Variants in GULP1 observed in about 807,000 individuals in gnomAD.
The protein encoded by GULP1 is PTB domain-containing engulfment adapter protein 1.
GULP1 carries 19 observed loss-of-function variants against 40.9 expected under a neutral mutation model. The observed-to-expected ratio is 0.46, with a 90% CI of 0.32 to 0.68. GULP1 has a LOEUF of 0.68. Among genes scored for constraint, GULP1 ranks in the 30% least tolerant of loss-of-function variants. The probability of loss-of-function intolerance (pLI) is 0.03; values close to 1 mark genes in which losing one functional copy is unlikely to be tolerated. For missense variants in GULP1, 312 were observed against 362.2 expected, an observed-to-expected ratio of 0.86 and a Z score of 1.12; for synonymous variants, 119 against 117.6, an observed-to-expected ratio of 1.01 and a Z score of -0.08.
intron 4 of GULP1, among the ~76,000 whole-genome samples, chr2:188,518,469 T>C (rs1038552671): frequency 6.6e-6 from 1 of 152,048 alleles, no homozygotes; most frequent in African/African-American, 2.4e-5. Context: ...CTTAGCCAAG[T>C]CAGTCGTTGG....
intron 11 of GULP1, chr2:188,592,896 AT>A (rs1246601403): frequency 1.3e-5 from 2 of 152,240 alleles, no homozygotes; most frequent in East Asian, 3.9e-4. Flanking sequence ...TTTAGGAGAC[AT>A]TTTGTTTTCT....
intron 4 of GULP1, among the ~76,000 whole-genome samples, chr2:188,492,101 G>T (rs572401136): frequency 1.3e-5 from 2 of 151,932 alleles, no homozygotes; most frequent in Non-Finnish European, 2.9e-5. Context: ...AGATGTGATC[G>T]CAAAGCAGTA....
At chr2:188,581,799 T>TGAC (rs1274622939) in intron 9 of GULP1, among the ~76,000 whole-genome samples, 1 of 152,196 alleles carries the variant, frequency 6.6e-6, no homozygotes, top group Non-Finnish European at 1.5e-5. Context: ...TCACAAAGAA[T>TGAC]CTGTGGACCT....
chr2:188,447,726 G>A (rs536446013), intron 2 of GULP1, among the ~76,000 whole-genome samples: 1 of 152,272 alleles, frequency 6.6e-6, no homozygotes, highest in South Asian at 2.1e-4. Flanking sequence ...CTAGACACAT[G>A]CTAGGTGCCA....
chr2:188,419,526 CT>C (rs1375447334), intron 2 of GULP1, among the ~76,000 whole-genome samples: 1 of 148,616 alleles, frequency 6.7e-6, no homozygotes, highest in African/African-American at 2.5e-5. Flanking sequence ...TATTCAGATT[CT>C]TTGCCCATTT....
chr2:188,537,636 T>G (rs938929864), intron 6 of GULP1, among the ~76,000 whole-genome samples: 1 of 152,082 alleles, frequency 6.6e-6, no homozygotes, highest in African/African-American at 2.4e-5. Flanking sequence ...AATATTGGCC[T>G]ATAGTTTTCT....
At chr2:188,393,161 T>C (rs1200097502) in intron 2 of GULP1, among the ~76,000 whole-genome samples, 1 of 151,916 alleles carries the variant, frequency 6.6e-6, no homozygotes, top group Non-Finnish European at 1.5e-5. Flanking sequence ...ATTTATCTAG[T>C]GCTGTCAGTG....
intron 7 of GULP1, among the ~76,000 whole-genome samples, chr2:188,563,822 C>CA (rs1436110684): frequency 3.3e-5 from 5 of 151,782 alleles, no homozygotes; most frequent in Admixed American, 3.3e-4. Context: ...AAAGACCTTA[C>CA]AAAAAATGAA....
intron 6 of GULP1, among the ~76,000 whole-genome samples, chr2:188,537,503 T>C (rs1245908859): frequency 6.6e-6 from 1 of 152,164 alleles, no homozygotes. Context: ...TTCGCATACG[T>C]TGAACAAACC....
At chr2:188,473,191 C>T (rs2060736219) in intron 2 of GULP1, among the ~76,000 whole-genome samples, 1 of 151,998 alleles carries the variant, frequency 6.6e-6, no homozygotes, top group Non-Finnish European at 1.5e-5. Flanking sequence ...TCTGAACCAC[C>T]AGAAGTAGGG....
chr2:188,365,620 G>A (rs1196851304), intron 1 of GULP1, among the ~76,000 whole-genome samples: 1 of 152,144 alleles, frequency 6.6e-6, no homozygotes, highest in Non-Finnish European at 1.5e-5. Context: ...AGGAATGTCT[G>A]CAACATTGTC....
chr2:188,503,721 A>G (rs1478799789), intron 4 of GULP1, among the ~76,000 whole-genome samples: 1 of 152,016 alleles, frequency 6.6e-6, no homozygotes, highest in African/African-American at 2.4e-5. Context: ...AACCATAACT[A>G]GACATGGACA....
At chr2:188,362,170 T>G (rs2046184376) in intron 1 of GULP1, among the ~76,000 whole-genome samples, 1 of 152,112 alleles carries the variant, frequency 6.6e-6, no homozygotes, top group Non-Finnish European at 1.5e-5. Context: ...ATCATTTTTC[T>G]GAGCACATTA....
At chr2:188,333,466 T>C (rs1397196388) in intron 1 of GULP1, among the ~76,000 whole-genome samples, 1 of 152,178 alleles carries the variant, frequency 6.6e-6, no homozygotes, top group Non-Finnish European at 1.5e-5. Flanking sequence ...ATTCTCTTTG[T>C]GTTTTTTGTT....
chr2:188,549,182 A>T (rs2153367044), intron 7 of GULP1, among the ~76,000 whole-genome samples: 1 of 152,012 alleles, frequency 6.6e-6, no homozygotes, highest in South Asian at 2.1e-4. Context: ...TTTATCATAA[A>T]GTAAAATATC....
rs1331583695 is a variant in GULP1, at chr2:188,543,839, T to C, written c.399+2521T>C. Among the ~76,000 whole-genome samples the C allele has an allele frequency of 2.0e-5, 3 of 152,198 alleles. No individual in the cohort carries two copies. In the East Asian group the frequency reaches 5.8e-4, roughly 29 times the overall value. ...GTTCATCTGCTCTTATTGGGGACTTTATCTGTTCATTGTATTTTATCTTTT... is the reference window on the plus strand; with the variant it reads ...GTTCATCTGCTCTTATTGGGGACTTCATCTGTTCATTGTATTTTATCTTTT... On this transcript the variant is annotated intron_variant, in intron 7 of 11. Coordinates refer to ENST00000409830, the MANE Select transcript of GULP1 (RefSeq NM_016315.4).
intron 7 of GULP1, among the ~76,000 whole-genome samples, chr2:188,554,415 G>T (rs1366913236): frequency 1.3e-5 from 2 of 151,516 alleles, no homozygotes; most frequent in Admixed American, 1.3e-4. Context: ...TCATTCAGGA[G>T]CATGTTGTTT....
chr2:188,474,986 C>T (rs72911497), intron 2 of GULP1, among the ~76,000 whole-genome samples: 1,828 of 152,166 alleles, frequency 0.012, 15 homozygotes, highest in East Asian at 0.022. Flanking sequence ...AAAATTTTAA[C>T]TATATATTTT....
intron 2 of GULP1, among the ~76,000 whole-genome samples, chr2:188,457,071 A>G (rs892253011): frequency 1.3e-5 from 2 of 152,138 alleles, no homozygotes; most frequent in African/African-American, 4.8e-5. Flanking sequence ...CATTGTATCT[A>G]GGAAGTAACT....
Sources: allele counts gnomAD v4.1 joint callset (sites outside exome capture counted in the v4.1 genomes callset), GRCh38; gene constraint gnomAD v4.1.1; transcripts MANE v1.5; gene names NCBI Gene and HGNC (gene_info 2026-07-23, HGNC 2026-07-21).